ADAMTS6: variants seen among roughly 807,000 people sequenced by gnomAD.
ADAMTS6 encodes the protein ADAM metallopeptidase with thrombospondin type 1 motif 6, also known as A disintegrin and metalloproteinase with thrombospondin motifs 6.
Under a neutral mutation model 144.3 loss-of-function variants are expected in ADAMTS6, and 23 were observed. The ratio of observed to expected loss-of-function variants is 0.16; its 90% confidence interval spans 0.11 to 0.23. The LOEUF is 0.23. Ranked by LOEUF, ADAMTS6 falls within the 10% of genes least tolerant of loss-of-function variation. ADAMTS6 has a pLI of 1.00. For missense variants in ADAMTS6, 999 were observed against 1,379.6 expected (o/e 0.72, Z 4.37); for synonymous variants, 444 against 457.5 (o/e 0.97, Z 0.38).
rs1269396119 is a variant in ADAMTS6 at position 65,454,776 on chromosome 5, C to A, written c.632-1858G>T. Among the ~76,000 whole-genome samples the A allele has an allele frequency of 3.3e-5, 5 of 152,248 alleles. No individual in the cohort carries two copies. The East Asian group carries it at 9.6e-4, about 29-fold the overall frequency. ...ACAATCATCCAAAAACTAAAGCTAC[C>A]CATAACCACAAAGAACTGAATGCTG... On this transcript the variant is annotated intron_variant, in intron 4 of 24. Coordinates refer to ENST00000381055, the MANE Select transcript of ADAMTS6 (RefSeq NM_197941.4).
intron 7 of ADAMTS6, among the ~76,000 whole-genome samples, chr5:65,388,862 A>G (rs1752680118): frequency 6.6e-6 from 1 of 152,202 alleles, no homozygotes; most frequent in Non-Finnish European, 1.5e-5. Flanking sequence ...ACTTACATAA[A>G]GAATGTTTTC....
intron 21 of ADAMTS6, among the ~76,000 whole-genome samples, chr5:65,194,559 C>T (rs1034528319): frequency 6.6e-6 from 1 of 152,024 alleles, no homozygotes; most frequent in Non-Finnish European, 1.5e-5. Flanking sequence ...GGATGTAATC[C>T]CACCACAAGT....
intron 9 of ADAMTS6, among the ~76,000 whole-genome samples, chr5:65,317,553 C>T (rs748519410): frequency 2.0e-5 from 3 of 152,076 alleles, no homozygotes; most frequent in South Asian, 2.1e-4. Flanking sequence ...AAAAAATGGA[C>T]AAATGGGATC....
chr5:65,199,610 C>G (rs1371194413), intron 20 of ADAMTS6, among the ~76,000 whole-genome samples: 1 of 151,840 alleles, frequency 6.6e-6, no homozygotes, highest in Non-Finnish European at 1.5e-5. Flanking sequence ...TGTTTCAGAC[C>G]CCTTTAATTT....
At position 65,343,971 on chromosome 5, in the gene ADAMTS6, G is replaced by A. The variant is rs548735175; in HGVS notation, c.1074-9886C>T. Among the ~76,000 whole-genome samples the A allele has an allele frequency of 2.6e-5, 4 of 151,970 alleles. No individual in the cohort carries two copies. The South Asian group carries it at 8.3e-4, about 32-fold the overall frequency. ...TTTAAAATGCTCAACATCACTAATC[G>A]TCATGCTTTTGCTGATAGCATGAAT... On this transcript the variant is annotated intron_variant, in intron 7 of 24. Coordinates refer to ENST00000381055, the MANE Select transcript of ADAMTS6 (RefSeq NM_197941.4).
At chr5:65,261,110 G>A (rs1440209985) in intron 13 of ADAMTS6, among the ~76,000 whole-genome samples, 1 of 152,010 alleles carries the variant, frequency 6.6e-6, no homozygotes, top group Non-Finnish European at 1.5e-5. Flanking sequence ...CAGGAAGCAA[G>A]GAGACATGAA....
chr5:65,225,149 A>G (rs1757636508), intron 16 of ADAMTS6, 102 bp from the exon 17 acceptor site: 1 of 1,325,736 alleles, frequency 7.5e-7, no homozygotes, highest in Non-Finnish European at 1.0e-6. Flanking sequence ...TTTCCAGTAA[A>G]GAAAAGAAAA....
intron 11 of ADAMTS6, among the ~76,000 whole-genome samples, chr5:65,285,451 C>A (rs1427256663): frequency 3.3e-5 from 5 of 152,142 alleles, no homozygotes. Context: ...AGTCACTACA[C>A]AAATAGCCAT....
chr5:65,350,708 C>G (rs1381760630), intron 7 of ADAMTS6, among the ~76,000 whole-genome samples: 1 of 152,134 alleles, frequency 6.6e-6, no homozygotes, highest in African/African-American at 2.4e-5. Context: ...GGCTGCAGTG[C>G]AGTGGTGCGA....
chr5:65,177,747 G>A (rs186069219), intron 22 of ADAMTS6, among the ~76,000 whole-genome samples: 5 of 152,316 alleles, frequency 3.3e-5, no homozygotes, highest in African/African-American at 7.2e-5. Context: ...GGTTGGAGTC[G>A]ATCAAATATT....
chr5:65,416,763 A>C (rs1408177789), intron 7 of ADAMTS6, among the ~76,000 whole-genome samples: 1 of 149,970 alleles, frequency 6.7e-6, no homozygotes, highest in Non-Finnish European at 1.5e-5. Context: ...AAAAAAAAAA[A>C]AACCAACAAC....
chr5:65,353,281 T>C (rs1356357456), intron 7 of ADAMTS6, among the ~76,000 whole-genome samples: 1 of 151,992 alleles, frequency 6.6e-6, no homozygotes, highest in Non-Finnish European at 1.5e-5. Context: ...AGCAAAAAGG[T>C]TATTTTCATT....
chr5:65,272,259 A>T (rs1762112543), intron 12 of ADAMTS6, among the ~76,000 whole-genome samples: 1 of 152,252 alleles, frequency 6.6e-6, no homozygotes, highest in Non-Finnish European at 1.5e-5. Flanking sequence ...AGTCTATAGA[A>T]ATAAATTCTA....
intron 7 of ADAMTS6, among the ~76,000 whole-genome samples, chr5:65,418,287 C>T (rs1167770330): frequency 6.6e-6 from 1 of 152,068 alleles, no homozygotes; most frequent in African/African-American, 2.4e-5. Context: ...TGGGAAACAC[C>T]ATTCTGGACA....
At chr5:65,259,213 A>G (rs1181752095) in intron 14 of ADAMTS6, among the ~76,000 whole-genome samples, 2 of 151,694 alleles carry the variant, frequency 1.3e-5, no homozygotes, top group African/African-American at 4.9e-5. Flanking sequence ...GTATATATAT[A>G]TATATATAAA....
intron 11 of ADAMTS6, among the ~76,000 whole-genome samples, chr5:65,283,357 AAAAAACC>A (rs1763129538): frequency 6.6e-6 from 1 of 152,076 alleles, no homozygotes; most frequent in Non-Finnish European, 1.5e-5. Context: ...CTAGAATGGC[AAAAAACC>A]AAAAACTAAA....
intron 7 of ADAMTS6, among the ~76,000 whole-genome samples, chr5:65,422,724 A>T (rs1756173692): frequency 6.6e-6 from 1 of 152,202 alleles, no homozygotes; most frequent in African/African-American, 2.4e-5. Context: ...AACTCTATGG[A>T]AAGCAGTATG....
intron 10 of ADAMTS6, among the ~76,000 whole-genome samples, chr5:65,299,674 T>G (rs911527439): frequency 6.6e-6 from 1 of 152,150 alleles, no homozygotes; most frequent in African/African-American, 2.4e-5. Context: ...TGAACTCAAA[T>G]TTGGCCTATG....
chr5:65,337,619 ACT>A lies in ADAMTS6; in HGVS notation c.1074-3536_1074-3535del, dbSNP rs146619102. 8.9e-3 allele frequency among the ~76,000 whole-genome samples: 1,353 copies of A among 152,136 alleles called. 20 individuals are homozygous for A. The highest frequency in any genetic ancestry group is 0.031 in the African/African-American group (1,275 of 41,522). On this transcript the variant is annotated intron_variant, in intron 7 of 24. Transcript: ENST00000381055. ...CAGCTTATTTCAGTTCCTCGATATA[ACT>A]CTCAGTCGTCTCCCATCTTATATTT...
Sources: gnomAD v4.1 joint callset for allele counts (sites outside exome capture counted in the v4.1 genomes callset) on GRCh38, gnomAD v4.1.1 for gene constraint, MANE v1.5 for transcripts, NCBI Gene and HGNC (gene_info 2026-07-23, HGNC 2026-07-21) for gene names.